The following MED15 variants were observed in gnomAD, a reference collection of about 807,000 sequenced individuals.
MED15 encodes mediator complex subunit 15, also known as mediator of RNA polymerase II transcription subunit 15.
A neutral mutation model predicts 118.7 loss-of-function variants in MED15; 41 were observed. The observed-to-expected ratio is 0.35, with a 90% confidence interval of 0.27 to 0.45. The LOEUF (loss-of-function observed/expected upper bound fraction) is 0.45, where lower values mean the gene tolerates loss of function less well. MED15 is among the 20% of genes least tolerant of loss of function. The probability of loss-of-function intolerance (pLI) is 1.00; values close to 1 mark genes in which losing one functional copy is unlikely to be tolerated. For missense variants in MED15, 740 were observed against 1,025.5 expected, an observed-to-expected ratio of 0.72 and a Z score of 3.80; for synonymous variants, 436 against 413.9, an observed-to-expected ratio of 1.05 and a Z score of -0.65.
chr22:20,578,910 CCTCT>C (rs754400583), intron 9 of MED15, among the ~76,000 whole-genome samples: 23 of 152,196 alleles, frequency 1.5e-4, no homozygotes, highest in African/African-American at 4.1e-4. Flanking sequence ...AGGCTCCCTC[CCTCT>C]GTCTTGACGG....
rs1216886023 is a variant in MED15 at position 20,583,291 on chromosome 22, C to G, written c.1673-39C>G. 12 of 1,613,388 alleles carry G rather than the reference C, an allele frequency of 7.4e-6. No homozygotes were observed. The South Asian group carries it at 1.3e-4, about 18-fold the overall frequency. ...AGGGGCCTGCACCCTGGGGACACCA[C>G]CAGGCTTGTGTCTTAGTGTGTACCC... On this transcript the variant is annotated intron_variant, in intron 12 of 17. Coordinates refer to ENST00000263205, the MANE Select transcript of MED15 (RefSeq NM_001003891.3).
At chr22:20,547,555 C>G (rs1319693996) in intron 2 of MED15, among the ~76,000 whole-genome samples, 1 of 152,090 alleles carries the variant, frequency 6.6e-6, no homozygotes, top group East Asian at 1.9e-4. Flanking sequence ...CGTGGTGGCT[C>G]ACGCTTGTAA....
At chr22:20,535,247 C>T (rs1175021425) in intron 1 of MED15, among the ~76,000 whole-genome samples, 5 of 152,256 alleles carry the variant, frequency 3.3e-5, no homozygotes, top group East Asian at 1.9e-4. Context: ...CCTGAGCCAT[C>T]GTGCCCAGCC....
intron 1 of MED15, among the ~76,000 whole-genome samples, chr22:20,526,652 TAC>T (rs1569180406): frequency 6.6e-6 from 1 of 152,228 alleles, no homozygotes. Context: ...TGCCTCTCAG[TAC>T]AGTTATCTTC....
chr22:20,560,014 G>A (rs1569220702), intron 5 of MED15, among the ~76,000 whole-genome samples: 1 of 152,134 alleles, frequency 6.6e-6, no homozygotes, highest in Non-Finnish European at 1.5e-5. Flanking sequence ...AATGTCTGGA[G>A]ACATTTTGGG....
chr22:20,586,752 C>T lies in MED15; in HGVS notation c.*48C>T, dbSNP rs56049910. 2.3e-3 allele frequency: 3,691 copies of T among 1,602,358 alleles called. 13 individuals carry two copies. The highest frequency in any genetic ancestry group is 2.9e-3 in the Non-Finnish European group (3,457 of 1,175,902). On this transcript the variant is annotated 3_prime_UTR_variant, in exon 18 of 18. Transcript: ENST00000263205. Reference sequence around the variant, plus strand: ...CAGCCTCATCGGGGCCAAGGACACACGCCTCCTGTCAGACACTTCTAGGTG... The same window carrying T: ...CAGCCTCATCGGGGCCAAGGACACATGCCTCCTGTCAGACACTTCTAGGTG...
intron 2 of MED15, among the ~76,000 whole-genome samples, chr22:20,541,935 G>A (rs546479951): frequency 4.6e-5 from 7 of 151,810 alleles, no homozygotes; most frequent in Middle Eastern, 3.4e-3. Flanking sequence ...GGTGTGAGCC[G>A]CTGCACCCAG....
chr22:20,526,452 TC>T (rs1403436423), intron 1 of MED15, among the ~76,000 whole-genome samples: 1 of 152,200 alleles, frequency 6.6e-6, no homozygotes, highest in Non-Finnish European at 1.5e-5. Context: ...CCCTCATTCT[TC>T]CAGTATTCTA....
chr22:20,513,895 G>T (rs1242000351), intron 1 of MED15, among the ~76,000 whole-genome samples: 1 of 152,130 alleles, frequency 6.6e-6, no homozygotes, highest in Non-Finnish European at 1.5e-5. Context: ...ACAGAATCTT[G>T]CTCTCTCCTC....
chr22:20,570,778 A>T, intron 8 of MED15, among the ~76,000 whole-genome samples: 3 of 27,958 alleles, frequency 1.1e-4, no homozygotes, highest in Non-Finnish European at 1.2e-4. Flanking sequence ...TTTTTTTTTG[A>T]CAGAGTCTTG....
intron 2 of MED15, among the ~76,000 whole-genome samples, chr22:20,550,298 G>A (rs897388249): frequency 6.6e-6 from 1 of 152,162 alleles, no homozygotes; most frequent in Admixed American, 6.6e-5. Context: ...CTGCCTTGGT[G>A]TCCCCTTGTT....
intron 1 of MED15, among the ~76,000 whole-genome samples, chr22:20,519,477 C>T (rs2054372786): frequency 6.6e-6 from 1 of 151,062 alleles, no homozygotes; most frequent in Non-Finnish European, 1.5e-5. Flanking sequence ...GCTCTGTTGC[C>T]CAGGCTGGAG....
chr22:20,558,178 C>T (rs1046879292), intron 5 of MED15, among the ~76,000 whole-genome samples: 9 of 152,186 alleles, frequency 5.9e-5, no homozygotes, highest in Non-Finnish European at 1.3e-4. Flanking sequence ...GAGGCCAACT[C>T]TCCCTGCCCT....
intron 5 of MED15, among the ~76,000 whole-genome samples, chr22:20,560,465 A>G (rs532369280): frequency 3.3e-4 from 51 of 152,246 alleles, no homozygotes; most frequent in Non-Finnish European, 5.3e-4. Context: ...GGGTTTCACC[A>G]TGTTGGCCAG....
chr22:20,546,502 GTTTTTTTTGTTT>G (rs2055544152), intron 2 of MED15, among the ~76,000 whole-genome samples: 1 of 109,400 alleles, frequency 9.1e-6, no homozygotes, highest in Non-Finnish European at 1.8e-5. Context: ...GTTACATGGA[GTTTTTTTTGTTT>G]TTTTTTTTTT....
At chr22:20,536,263 C>G (rs1466226898) in intron 1 of MED15, among the ~76,000 whole-genome samples, 1 of 151,528 alleles carries the variant, frequency 6.6e-6, no homozygotes, top group Non-Finnish European at 1.5e-5. Flanking sequence ...AGTGAGCACA[C>G]CAGAGCAGTC....
chr22:20,544,743 A>G (rs2055457684), intron 2 of MED15, among the ~76,000 whole-genome samples: 1 of 152,218 alleles, frequency 6.6e-6, no homozygotes, highest in South Asian at 2.1e-4. Flanking sequence ...ATGGGTAAAA[A>G]TCGCAGTGGC....
intron 2 of MED15, among the ~76,000 whole-genome samples, chr22:20,543,590 C>CTCTG (rs1410437489): frequency 5.9e-5 from 9 of 151,364 alleles, no homozygotes; most frequent in African/African-American, 2.2e-4. Context: ...CTGAGTCTCA[C>CTCTG]TCTGTCGCCC....
intron 8 of MED15, among the ~76,000 whole-genome samples, chr22:20,570,742 C>T (rs868198442): frequency 6.8e-4 from 55 of 81,140 alleles, no homozygotes; most frequent in Non-Finnish European, 8.9e-4. Flanking sequence ...TTCTTTCTTT[C>T]TTTCTTTTTT....
Sources: allele counts gnomAD v4.1 joint callset (sites outside exome capture counted in the v4.1 genomes callset), GRCh38; gene constraint gnomAD v4.1.1; transcripts MANE v1.5; gene names NCBI Gene and HGNC (gene_info 2026-07-23, HGNC 2026-07-21).